The following C4orf50 variants were observed in gnomAD, a reference collection of about 807,000 sequenced individuals.
C4orf50 encodes the protein chromosome 4 open reading frame 50.
Under a neutral mutation model 77.2 loss-of-function variants are expected in C4orf50, and 80 were observed. The ratio of observed to expected loss-of-function variants is 1.04; its 90% CI spans 0.87 to 1.25. The LOEUF is 1.25. Ranked by LOEUF, C4orf50 falls within the 50% of genes most tolerant of loss-of-function variation. The pLI, the probability that C4orf50 is intolerant of heterozygous loss-of-function variation, is 0.00. For synonymous variants in C4orf50, 532 were observed against 465.3 expected, an observed-to-expected ratio of 1.14 and a Z score of -1.84; for missense variants, 1,257 against 1,152.9, an observed-to-expected ratio of 1.09 and a Z score of -1.31.
intron 7 of C4orf50, among the ~76,000 whole-genome samples, chr4:5,921,715 T>A (rs1047476937): frequency 6.6e-6 from 1 of 151,686 alleles, no homozygotes; most frequent in African/African-American, 2.4e-5. Context: ...CATGCAAAGG[T>A]AGAGAGTTTG....
downstream of C4orf50, among the ~76,000 whole-genome samples, chr4:5,954,468 A>T (rs775465190): frequency 1.8e-4 from 28 of 152,052 alleles, no homozygotes; most frequent in Non-Finnish European, 3.4e-4. This position sits in a 1 kb window ranked among gnomAD's most constrained non-coding sequence, Gnocchi z 4.7. Flanking sequence ...TCTGTAGCAG[A>T]TGAGGGAGGT....
chr4:5,981,242 C>T (rs989447651), intron 28 of C4orf50, among the ~76,000 whole-genome samples: 2 of 152,044 alleles, frequency 1.3e-5, no homozygotes, highest in East Asian at 1.9e-4. Flanking sequence ...TTAGTATATA[C>T]GCAGCCTCCT....
chr4:5,990,747 G>A (rs1021995238), exon 28 of C4orf50: 49 of 398,972 alleles, frequency 1.2e-4, no homozygotes, highest in East Asian at 5.0e-4. Context: ...GGAGTGACTC[G>A]TCCAAGCACT....
chr4:5,936,208 G>GAAA (rs11333410), intron 7 of C4orf50, among the ~76,000 whole-genome samples: 85 of 147,230 alleles, frequency 5.8e-4, no homozygotes, highest in Admixed American at 3.1e-3. Context: ...CATGCTGCAG[G>GAAA]AAAAAAAAAA....
chr4:6,004,390 G>A (rs200084803), intron 25 of C4orf50, among the ~76,000 whole-genome samples: 5 of 70,052 alleles, frequency 7.1e-5, no homozygotes, highest in Non-Finnish European at 1.3e-4. Context: ...GATGGTGATG[G>A]TGGTGATGGT....
exon 34 of C4orf50, chr4:5,959,231 C>T: frequency 2.1e-6 from 2 of 970,812 alleles, no homozygotes; most frequent in South Asian, 3.3e-5. Context: ...TGACAATGAA[C>T]ACAAAATCCC....
At chr4:5,953,718 G>C (rs559378400), downstream of C4orf50, among the ~76,000 whole-genome samples, 64 of 152,272 alleles carry the variant, frequency 4.2e-4, no homozygotes, top group African/African-American at 1.5e-3. Flanking sequence ...CTGCTGGGGG[G>C]CCTGGGGGAC....
intron 7 of C4orf50, among the ~76,000 whole-genome samples, chr4:5,907,880 C>T (rs954456856): frequency 1.3e-5 from 2 of 152,138 alleles, no homozygotes; most frequent in African/African-American, 4.8e-5. Flanking sequence ...AAGCAGACCC[C>T]TGAGGCTCCA....
chr4:6,004,204 T>TGATGATGTGATGGC (rs1722069157), intron 25 of C4orf50, among the ~76,000 whole-genome samples: 1 of 104,492 alleles, frequency 9.6e-6, no homozygotes, highest in Non-Finnish European at 2.2e-5. Flanking sequence ...ATGGTGATGG[T>TGATGATGTGATGGC]GATGATGGTG....
intron 28 of C4orf50, among the ~76,000 whole-genome samples, chr4:5,982,111 G>T (rs1021153982): frequency 6.6e-6 from 1 of 152,184 alleles, no homozygotes; most frequent in Non-Finnish European, 1.5e-5. Context: ...GCTGGGCCGT[G>T]TTAAGAACAG....
Position 5,970,841 on chromosome 4 carries a change from C to T in C4orf50, c.4104+2818G>A, listed in dbSNP as rs544624543. ...GGACATGCTGAGGCTCAGGGTCCCC[C>T]GTGGAGCCTAGCAGCAGGATGCTGG... On this transcript the variant is annotated intron_variant, in intron 31 of 33. Coordinates refer to ENST00000531445, the Ensembl canonical transcript of C4orf50. This position sits in a 1 kb window ranked among gnomAD's most constrained non-coding sequence, Gnocchi z 4.3. Among the ~76,000 whole-genome samples the T allele has an allele frequency of 1.2e-3, 189 of 152,266 alleles. 2 individuals carry two copies. Among genetic ancestry groups the T allele is most frequent in the Admixed American group, 0.01 (157 of 15,300 alleles).
At chr4:5,955,839 CCT>C (rs1201403494), downstream of C4orf50, among the ~76,000 whole-genome samples, 4 of 152,294 alleles carry the variant, frequency 2.6e-5, no homozygotes, top group East Asian at 7.7e-4. This position sits in a 1 kb window ranked among gnomAD's most constrained non-coding sequence, Gnocchi z 5.1. Flanking sequence ...AGTGCAGGGC[CCT>C]GTCTGTGATG....
exon 28 of C4orf50, chr4:5,988,539 G>A (rs545219144): frequency 5.1e-5 from 78 of 1,537,310 alleles, no homozygotes; most frequent in Non-Finnish European, 5.4e-5. Flanking sequence ...TGGAATTCCC[G>A]GTGCCTGTGG....
At chr4:5,902,892 A>C (rs529218593) in intron 7 of C4orf50, 3 of 152,310 alleles carry the variant, frequency 2.0e-5, no homozygotes, top group African/African-American at 7.2e-5. Flanking sequence ...AGCAGGTAGC[A>C]GAGCTGGAAG....
chr4:5,963,064 C>A (rs546328302), intron 33 of C4orf50, among the ~76,000 whole-genome samples: 84 of 149,948 alleles, frequency 5.6e-4, no homozygotes, highest in African/African-American at 1.9e-3. Context: ...TGCAGAGACA[C>A]GATCTTGGCT....
At position 5,992,494 on chromosome 4, in the gene C4orf50, T is replaced by G. The variant is rs1295568269; in HGVS notation, c.1221+309A>C. Among the ~76,000 whole-genome samples, 1 of 151,620 alleles carries G rather than the reference T, an allele frequency of 6.6e-6. No homozygotes were observed. The highest frequency in any genetic ancestry group is 1.9e-4 in the East Asian group (1 of 5,150). ...TCACAGCAGCCCTTGGAGTCTCATC[T>G]CCTCTCCAGAGCAGAGGTGGCAGCA... is the stretch of plus-strand genomic sequence containing the variant. On this transcript the variant is annotated intron_variant, in intron 27 of 33. Transcript: ENST00000531445. This position sits in a 1 kb window ranked among gnomAD's most constrained non-coding sequence, Gnocchi z 5.0.
At chr4:5,948,292 T>C (rs1718567811) in intron 7 of C4orf50, among the ~76,000 whole-genome samples, 1 of 152,216 alleles carries the variant, frequency 6.6e-6, no homozygotes, top group South Asian at 2.1e-4. Flanking sequence ...AAGAATGGTA[T>C]TATAGGACAC....
At chr4:5,986,058 C>A (rs1720836166) in intron 28 of C4orf50, among the ~76,000 whole-genome samples, 1 of 152,116 alleles carries the variant, frequency 6.6e-6, no homozygotes, top group Non-Finnish European at 1.5e-5. Flanking sequence ...CAAATGCACA[C>A]TCAGAGTGGA....
intron 7 of C4orf50, chr4:5,904,806 A>G (rs999385436): frequency 5.3e-5 from 8 of 152,232 alleles, no homozygotes; most frequent in Non-Finnish European, 8.8e-5. Context: ...CAGCAGCTCT[A>G]TAATATCAAG....
Sources: gnomAD v4.1 joint callset for allele counts (sites outside exome capture counted in the v4.1 genomes callset) on GRCh38, gnomAD v4.1.1 for gene constraint, Gnocchi (gnomAD v3.1) non-coding constraint, MANE v1.5 for transcripts, NCBI Gene and HGNC (gene_info 2026-07-23, HGNC 2026-07-21) for gene names.